UNC5C: variants seen among roughly 807,000 people sequenced by gnomAD.
The protein encoded by UNC5C is netrin receptor UNC5C.
Under a neutral mutation model 99.8 loss-of-function variants are expected in UNC5C, and 47 were observed. That is an observed-to-expected ratio of 0.47 (90% CI 0.37 to 0.60). The LOEUF (loss-of-function observed/expected upper bound fraction) is 0.60. Among genes scored for constraint, UNC5C ranks in the 20% least tolerant of loss-of-function variants. The pLI is 0.00. For synonymous variants in UNC5C, 487 were observed against 452.2 expected, an observed-to-expected ratio of 1.08 and a Z score of -0.98; for missense variants, 1,062 against 1,165.9, an observed-to-expected ratio of 0.91 and a Z score of 1.30.
chr4:95,220,248 A>C (rs1738422939), intron 7 of UNC5C, 72 bp from the exon 8 acceptor site: 1 of 1,335,156 alleles, frequency 7.5e-7, no homozygotes, highest in Admixed American at 3.0e-5. Context: ...GTATTGCTAT[A>C]ATTTTTTCAG....
At chr4:95,350,039 T>A (rs1025449753) in intron 1 of UNC5C, among the ~76,000 whole-genome samples, 6 of 152,204 alleles carry the variant, frequency 3.9e-5, no homozygotes, top group African/African-American at 1.4e-4. Context: ...ATAATCTGAC[T>A]TTATGATAGA....
chr4:95,432,050 C>T (rs1416396519), intron 1 of UNC5C, among the ~76,000 whole-genome samples: 1 of 152,066 alleles, frequency 6.6e-6, no homozygotes, highest in Non-Finnish European at 1.5e-5. Flanking sequence ...GGTTATGACG[C>T]TTTGGAGACA....
At chr4:95,529,639 G>T (rs1722591366) in intron 1 of UNC5C, among the ~76,000 whole-genome samples, 2 of 151,786 alleles carry the variant, frequency 1.3e-5, no homozygotes, top group Admixed American at 1.3e-4. Context: ...AGGCAGGAGG[G>T]TTGCTTGAGT....
intron 1 of UNC5C, among the ~76,000 whole-genome samples, chr4:95,446,900 A>G (rs1747122759): frequency 6.6e-6 from 1 of 152,208 alleles, no homozygotes; most frequent in Non-Finnish European, 1.5e-5. Context: ...CTATCCATGC[A>G]CAAGGTGGTC....
At chr4:95,288,815 G>A (rs1398736001) in intron 3 of UNC5C, among the ~76,000 whole-genome samples, 1 of 152,188 alleles carries the variant, frequency 6.6e-6, no homozygotes, top group Non-Finnish European at 1.5e-5. Context: ...CAAGGCATTT[G>A]TGATGACCTT....
At chr4:95,438,737 A>T (rs949640118) in intron 1 of UNC5C, among the ~76,000 whole-genome samples, 7 of 152,186 alleles carry the variant, frequency 4.6e-5, no homozygotes, top group African/African-American at 1.7e-4. Flanking sequence ...CATCTGATGA[A>T]TCTAAGCACA....
rs569263168 is a variant in UNC5C at position 95,393,390 on chromosome 4, G to A, written c.125-57759C>T. ...TGGAACACTGTTGGAGGAATCAAGG[G>A]GGGAATATCAAGTAAAGAGGCAAAA... On this transcript the variant is annotated intron_variant, in intron 1 of 15. Transcript: ENST00000453304. Among the ~76,000 whole-genome samples the A allele has an allele frequency of 3.0e-3, 461 of 152,240 alleles. 3 individuals carry two copies. The highest frequency in any genetic ancestry group is 0.01 in the African/African-American group (426 of 41,536).
In UNC5C at chr4:95,354,479, AT is replaced by A. The variant is rs1553965987; in HGVS notation, c.125-18849del. On this transcript the variant is annotated intron_variant, in intron 1 of 15. Coordinates refer to ENST00000453304, the MANE Select transcript of UNC5C (RefSeq NM_003728.4). ...TTACCTAACTCTTCCATATATATAT[AT>A]TTTTTTTTTTTTTTTAAGAGACAGG... Among the ~76,000 whole-genome samples the A allele has an allele frequency of 6.4e-3, 709 of 110,318 alleles. 16 individuals are homozygous for A. The highest frequency in any genetic ancestry group is 0.011 in the African/African-American group (273 of 24,740). 72.4% of individuals were successfully genotyped at this position (110,318 alleles called of 152,430 possible).
chr4:95,396,561 T>C lies in UNC5C; in HGVS notation c.125-60930A>G, dbSNP rs556407220. 7.9e-5 allele frequency among the ~76,000 whole-genome samples: 12 copies of C among 152,238 alleles called. No homozygotes were observed. The South Asian group carries it at 2.3e-3, about 29-fold the overall frequency. ...TCAAGCCAAAGGACAGTTTAAAGCC[T>C]GAAAACCGAGCTGGCAGTTCCAGAT... On this transcript the variant is annotated intron_variant, in intron 1 of 15. Coordinates refer to ENST00000453304, the MANE Select transcript of UNC5C (RefSeq NM_003728.4).
At chr4:95,390,510 T>C (rs532140795) in intron 1 of UNC5C, among the ~76,000 whole-genome samples, 21 of 152,310 alleles carry the variant, frequency 1.4e-4, no homozygotes, top group African/African-American at 5.1e-4. Flanking sequence ...AAATGAAATG[T>C]GTCCAGAGGT....
chr4:95,490,279 C>G (rs1721445952), intron 1 of UNC5C, among the ~76,000 whole-genome samples: 1 of 151,584 alleles, frequency 6.6e-6, no homozygotes, highest in Non-Finnish European at 1.5e-5. Flanking sequence ...GAAAAAAAGG[C>G]ATTAAAAAGT....
At chr4:95,382,575 T>C (rs1745102811) in intron 1 of UNC5C, among the ~76,000 whole-genome samples, 1 of 152,090 alleles carries the variant, frequency 6.6e-6, no homozygotes, top group African/African-American at 2.4e-5. Flanking sequence ...TATTAATATA[T>C]GAGAAATATT....
chr4:95,439,559 A>G (rs975108253), intron 1 of UNC5C, among the ~76,000 whole-genome samples: 1 of 152,212 alleles, frequency 6.6e-6, no homozygotes, highest in Non-Finnish European at 1.5e-5. Context: ...AAACCTTCCA[A>G]AAACATGTCA....
At chr4:95,535,463 A>C (rs1375456572) in intron 1 of UNC5C, among the ~76,000 whole-genome samples, 1 of 152,186 alleles carries the variant, frequency 6.6e-6, no homozygotes, top group African/African-American at 2.4e-5. Flanking sequence ...CACAGCAACA[A>C]TTGCTAATGT....
At chr4:95,538,351 C>A (rs932186469) in intron 1 of UNC5C, among the ~76,000 whole-genome samples, 15 of 152,148 alleles carry the variant, frequency 9.9e-5, no homozygotes, top group Non-Finnish European at 2.9e-5. Flanking sequence ...CTATAAAAAT[C>A]ACTTTTCCTC....
At chr4:95,264,395 C>T (rs559053299) in intron 4 of UNC5C, among the ~76,000 whole-genome samples, 6 of 152,236 alleles carry the variant, frequency 3.9e-5, no homozygotes, top group South Asian at 2.1e-4. Context: ...GACCCTGGGT[C>T]ACCAACAAAG....
intron 4 of UNC5C, among the ~76,000 whole-genome samples, chr4:95,263,711 T>G (rs75831001): frequency 0.017 from 2,598 of 152,312 alleles, 62 homozygotes; most frequent in African/African-American, 0.058. Flanking sequence ...AACCTTATTT[T>G]TCTACTTCTA....
intron 1 of UNC5C, among the ~76,000 whole-genome samples, chr4:95,401,346 T>A (rs1745690843): frequency 6.6e-6 from 1 of 152,166 alleles, no homozygotes; most frequent in African/African-American, 2.4e-5. Flanking sequence ...TCACCCAGGC[T>A]GTAGTGCAGT....
At chr4:95,290,197 T>C (rs1474095319) in intron 3 of UNC5C, among the ~76,000 whole-genome samples, 2 of 151,956 alleles carry the variant, frequency 1.3e-5, no homozygotes, top group Non-Finnish European at 2.9e-5. Context: ...TCCCAGATAC[T>C]AGGGAGGCTG....
Sources: gnomAD v4.1 joint callset for allele counts (sites outside exome capture counted in the v4.1 genomes callset) on GRCh38, gnomAD v4.1.1 for gene constraint, MANE v1.5 for transcripts, NCBI Gene and HGNC (gene_info 2026-07-23, HGNC 2026-07-21) for gene names.